The following TTLL11 variants were observed in gnomAD, a reference collection of about 807,000 sequenced individuals.
TTLL11 encodes the protein tubulin polyglutamylase TTLL11.
Under a neutral mutation model 51.7 loss-of-function variants are expected in TTLL11, and 42 were observed. The ratio of observed to expected loss-of-function variants is 0.81; its 90% CI spans 0.64 to 1.05. The LOEUF is 1.05. Among genes scored for constraint, TTLL11 ranks in the 50% least tolerant of loss-of-function variants. The pLI, the probability that TTLL11 is intolerant of heterozygous loss-of-function variation, is 0.00. For synonymous variants in TTLL11, 381 were observed against 383.5 expected, an observed-to-expected ratio of 0.99 and a Z score of 0.08; for missense variants, 799 against 940.4, an observed-to-expected ratio of 0.85 and a Z score of 1.97.
chr9:122,015,807 C>CAAAAAAAAA (rs11297849), intron 3 of TTLL11, among the ~76,000 whole-genome samples: 20 of 94,416 alleles, frequency 2.1e-4, no homozygotes, highest in African/African-American at 5.2e-4. Flanking sequence ...TCAAAAGAGA[C>CAAAAAAAAA]AAAAAAAAAA....
chr9:121,854,288 C>A (rs1312215897), intron 8 of TTLL11, among the ~76,000 whole-genome samples: 2 of 152,114 alleles, frequency 1.3e-5, no homozygotes, highest in African/African-American at 4.8e-5. Context: ...AGAAATGTTT[C>A]TTATTTTGGT....
At chr9:122,058,068 G>A (rs771967071) in intron 1 of TTLL11, among the ~76,000 whole-genome samples, 1 of 152,238 alleles carries the variant, frequency 6.6e-6, no homozygotes, top group Non-Finnish European at 1.5e-5. Context: ...TTATTCTGCT[G>A]GAAGGAAAGG....
intron 1 of TTLL11, among the ~76,000 whole-genome samples, chr9:122,083,294 C>T (rs1417006388): frequency 6.6e-6 from 1 of 151,874 alleles, no homozygotes; most frequent in African/African-American, 2.4e-5. Flanking sequence ...AAATTCACCA[C>T]CACATGCTCT....
intron 8 of TTLL11, among the ~76,000 whole-genome samples, chr9:121,830,670 A>G (rs144581368): frequency 1.8e-4 from 27 of 152,328 alleles, no homozygotes; most frequent in Non-Finnish European, 3.5e-4. Flanking sequence ...GCACAGCCCC[A>G]GATTCTTCCA....
chr9:122,048,518 C>T (rs929991904), intron 1 of TTLL11, among the ~76,000 whole-genome samples: 1 of 152,120 alleles, frequency 6.6e-6, no homozygotes, highest in Non-Finnish European at 1.5e-5. Flanking sequence ...TTTGCTACAA[C>T]TCTTCAATGC....
At position 121,989,230 on chromosome 9, in the gene TTLL11, T is replaced by C. The variant is rs767606854; in HGVS notation, c.1234A>G (p.Ile412Val). The stretch of plus-strand genomic sequence containing the variant: ...GTGGGGCCCGGCCTCCCCGTGGGGA[T>C]GTCTGACTGGTAGAAGACTTTGAGC... ...PELKVFYQSD[I>V]PTGRPGPTCF... The change falls in exon 4 of 9, where the codon ATC becomes GTC. Residue 412 changes from isoleucine (I) to valine (V), a missense_variant. Physicochemically the swap from Ile to Val is conservative, Grantham distance 29. Around this residue, in one of 3 missense-constraint regions of TTLL11, gnomAD observed 468 missense variants for 612.8 expected, o/e 0.76. Coordinates refer to ENST00000321582, the MANE Select transcript of TTLL11 (RefSeq NM_001139442.2). The surrounding 1 kb of genome is among the most constrained non-coding windows in gnomAD (Gnocchi z 4.2). 6.2e-7 allele frequency: 1 copy of C among 1,614,148 alleles called. No homozygotes were observed. The highest frequency in any genetic ancestry group is 8.5e-7 in the Non-Finnish European group (1 of 1,179,974).
intron 3 of TTLL11, among the ~76,000 whole-genome samples, chr9:121,999,342 T>A (rs1003135827): frequency 6.6e-6 from 1 of 152,176 alleles, no homozygotes; most frequent in East Asian, 1.9e-4. Flanking sequence ...CAATGAGATA[T>A]GTCAAATATG....
At chr9:122,059,661 A>C (rs1030488425) in intron 1 of TTLL11, among the ~76,000 whole-genome samples, 1 of 152,246 alleles carries the variant, frequency 6.6e-6, no homozygotes, top group Admixed American at 6.5e-5. Flanking sequence ...CAAAAAAATT[A>C]ATACAAATGT....
At chr9:121,901,198 A>C (rs1409014013) in intron 6 of TTLL11, among the ~76,000 whole-genome samples, 1 of 152,242 alleles carries the variant, frequency 6.6e-6, no homozygotes, top group Non-Finnish European at 1.5e-5. Context: ...AGTATCCTGA[A>C]ACTTTACTAA....
At chr9:121,967,705 T>G (rs1842443188) in intron 6 of TTLL11, among the ~76,000 whole-genome samples, 1 of 152,192 alleles carries the variant, frequency 6.6e-6, no homozygotes, top group African/African-American at 2.4e-5. Flanking sequence ...TAGATCCTTG[T>G]AGCATCCCTC....
intron 3 of TTLL11, among the ~76,000 whole-genome samples, chr9:122,016,935 G>A (rs545278359): frequency 2.1e-4 from 32 of 152,162 alleles, no homozygotes; most frequent in Middle Eastern, 3.4e-3. Flanking sequence ...GGCTGCATCC[G>A]CCTCGACTCT....
rs74791042 is a variant in TTLL11, at chr9:121,857,304, C to T, written c.1840+3033G>A. Among the ~76,000 whole-genome samples, 6 of 152,316 alleles carry T rather than the reference C, an allele frequency of 3.9e-5. No homozygotes were observed. The East Asian group carries it at 7.7e-4, about 20-fold the overall frequency. On this transcript the variant is annotated intron_variant, in intron 8 of 8. Coordinates refer to ENST00000321582, the MANE Select transcript of TTLL11 (RefSeq NM_001139442.2). ...GACTCCTGCTTCACCAGCCCTGCCC[C>T]CTCTGTATCACTTAAGTGAACAAGC...
chr9:121,877,433 C>T (rs1838607481), intron 6 of TTLL11, among the ~76,000 whole-genome samples: 1 of 152,122 alleles, frequency 6.6e-6, no homozygotes, highest in Admixed American at 6.5e-5. Context: ...GAGGCGTGGG[C>T]TTCCACAGTG....
chr9:122,054,170 T>G (rs1845234407), intron 1 of TTLL11, among the ~76,000 whole-genome samples: 1 of 152,220 alleles, frequency 6.6e-6, no homozygotes, highest in Middle Eastern at 3.4e-3. Context: ...TATAATTGAC[T>G]CATATGAATG....
chr9:122,012,226 G>A (rs573792592), intron 3 of TTLL11, among the ~76,000 whole-genome samples: 5 of 152,060 alleles, frequency 3.3e-5, no homozygotes, highest in South Asian at 2.1e-4. Flanking sequence ...CTCTTTTCTC[G>A]TAGAAAATTA....
intron 6 of TTLL11, among the ~76,000 whole-genome samples, chr9:121,912,250 C>T (rs957213279): frequency 5.3e-5 from 8 of 152,300 alleles, no homozygotes; most frequent in Non-Finnish European, 4.4e-5. Context: ...GGAAGAGACG[C>T]CTTCTGGTAT....
Position 121,975,166 on chromosome 9 carries a change from C to G in TTLL11, c.1270-187G>C, listed in dbSNP as rs148204782. Among the ~76,000 whole-genome samples the G allele has an allele frequency of 2.1e-4, 32 of 152,290 alleles. No individual in the cohort carries two copies. In the East Asian group the frequency reaches 5.6e-3, roughly 27 times the overall value. ...TGGACAGCAGAAAATTTTACAGGAA[C>G]CTTGATAATGGGATGAGTTCCCACA... is the stretch of plus-strand genomic sequence containing the variant. On this transcript the variant is annotated intron_variant, in intron 4 of 8. Transcript: ENST00000321582.
At chr9:121,826,217 T>TATACATAC (rs1491163835) in intron 8 of TTLL11, among the ~76,000 whole-genome samples, 2 of 58,114 alleles carry the variant, frequency 3.4e-5, no homozygotes, top group South Asian at 7.7e-4. Context: ...TATATATATA[T>TATACATAC]GCACACATAT....
At chr9:122,089,330 G>C (rs961022086) in intron 1 of TTLL11, among the ~76,000 whole-genome samples, 1 of 152,162 alleles carries the variant, frequency 6.6e-6, no homozygotes, top group Non-Finnish European at 1.5e-5. Flanking sequence ...CCCAGTAGAA[G>C]TTCTTGCTCC....
Sources: allele counts gnomAD v4.1 joint callset (sites outside exome capture counted in the v4.1 genomes callset), GRCh38; gene constraint gnomAD v4.1.1; regional missense constraint gnomAD v4.1.1; non-coding constraint Gnocchi (gnomAD v3.1); transcripts MANE v1.5; gene names NCBI Gene and HGNC (gene_info 2026-07-23, HGNC 2026-07-21).